The following STXBP5L variants were observed in gnomAD, a reference collection of about 807,000 sequenced individuals.
STXBP5L encodes the protein syntaxin binding protein 5L, also known as syntaxin-binding protein 5-like.
A neutral mutation model predicts 144.5 loss-of-function variants in STXBP5L; 65 were observed. The ratio of observed to expected loss-of-function variants is 0.45; its 90% CI spans 0.37 to 0.55. The LOEUF (loss-of-function observed/expected upper bound fraction) is 0.55. Among genes scored for constraint, STXBP5L ranks in the 20% least tolerant of loss-of-function variants. The pLI, the probability that STXBP5L is intolerant of heterozygous loss-of-function variation, is 0.00. For synonymous variants in STXBP5L, 505 were observed against 469.6 expected, an observed-to-expected ratio of 1.08 and a Z score of -0.97; for missense variants, 1,298 against 1,405.5, an observed-to-expected ratio of 0.92 and a Z score of 1.22.
At chr3:120,993,705 T>A (rs1943111578) in intron 3 of STXBP5L, among the ~76,000 whole-genome samples, 1 of 152,158 alleles carries the variant, frequency 6.6e-6, no homozygotes, top group Admixed American at 6.6e-5. Flanking sequence ...CTATATTGCC[T>A]TGTAATATAT....
At chr3:121,306,562 T>A (rs961012500) in intron 19 of STXBP5L, among the ~76,000 whole-genome samples, 1 of 152,078 alleles carries the variant, frequency 6.6e-6, no homozygotes, top group East Asian at 1.9e-4. Flanking sequence ...GCGGTCTACG[T>A]GAATAGAGAG....
chr3:121,153,866 G>A (rs1038206426), intron 8 of STXBP5L, among the ~76,000 whole-genome samples: 11 of 151,908 alleles, frequency 7.2e-5, no homozygotes, highest in African/African-American at 2.4e-4. Context: ...GTCTTAGGGA[G>A]CTAAGCTAGG....
chr3:121,358,623 T>G (rs115262420), intron 20 of STXBP5L, among the ~76,000 whole-genome samples: 107 of 152,290 alleles, frequency 7.0e-4, no homozygotes, highest in African/African-American at 2.5e-3. Context: ...CCTGGGAGAT[T>G]ACACTTCAAC....
intron 2 of STXBP5L, among the ~76,000 whole-genome samples, chr3:120,936,361 C>G (rs920764459): frequency 6.7e-6 from 1 of 148,908 alleles, no homozygotes; most frequent in Admixed American, 6.8e-5. Context: ...CAAACTGTGT[C>G]TTTTTTGGTC....
chr3:120,979,558 C>A (rs1436505498), intron 3 of STXBP5L, among the ~76,000 whole-genome samples: 1 of 152,050 alleles, frequency 6.6e-6, no homozygotes, highest in Admixed American at 6.6e-5. Context: ...CACCCACTGT[C>A]CTGCACCCAC....
At chr3:121,324,377 A>T (rs1414947150) in intron 20 of STXBP5L, 2 of 548,292 alleles carry the variant, frequency 3.6e-6, no homozygotes, top group Admixed American at 7.0e-5. Flanking sequence ...TAAGGATACA[A>T]AATGCAGATC....
At chr3:121,321,732 CT>C (rs989040409) in intron 20 of STXBP5L, among the ~76,000 whole-genome samples, 6 of 152,162 alleles carry the variant, frequency 3.9e-5, no homozygotes, top group Non-Finnish European at 8.8e-5. Flanking sequence ...GCTCTCACCC[CT>C]TTAAATCTGC....
chr3:121,154,556 C>T (rs780851846), intron 8 of STXBP5L, among the ~76,000 whole-genome samples: 8 of 151,658 alleles, frequency 5.3e-5, no homozygotes, highest in African/African-American at 1.4e-4. Context: ...CTCTCCTTTA[C>T]GTTATTGATA....
intron 3 of STXBP5L, 110 bp from the exon 4 acceptor site, chr3:121,041,590 A>G: frequency 2.6e-6 from 2 of 775,306 alleles, no homozygotes; most frequent in Non-Finnish European, 4.3e-6. Context: ...TATTTATAAA[A>G]ATAAGGGAAA....
At chr3:121,234,561 T>G (rs2049413361) in intron 12 of STXBP5L, among the ~76,000 whole-genome samples, 1 of 152,168 alleles carries the variant, frequency 6.6e-6, no homozygotes, top group Admixed American at 6.6e-5. Context: ...GTAGGCTCCA[T>G]GAAGGAGGGG....
chr3:121,051,251 G>A lies in STXBP5L; in HGVS notation c.470+5716G>A, dbSNP rs1324336651. Among the ~76,000 whole-genome samples the A allele has an allele frequency of 1.8e-4, 27 of 152,124 alleles. No homozygotes were observed. The East Asian group carries it at 4.6e-3, about 26-fold the overall frequency. ...CAAGCAGACCTAATAGACATCTACA[G>A]AACTCTCCACCCCAAATCAACAGAA... On this transcript the variant is annotated intron_variant, in intron 5 of 26. Coordinates refer to ENST00000471454, the MANE Select transcript of STXBP5L (RefSeq NM_001308330.2).
At chr3:121,311,551 GACAA>G (rs1477791196) in intron 19 of STXBP5L, among the ~76,000 whole-genome samples, 6 of 152,244 alleles carry the variant, frequency 3.9e-5, no homozygotes, top group East Asian at 1.9e-4. Context: ...AACAATAACA[GACAA>G]ACAGAGAGCC....
At chr3:121,333,381 A>T (rs1352002459) in intron 20 of STXBP5L, among the ~76,000 whole-genome samples, 1 of 152,134 alleles carries the variant, frequency 6.6e-6, no homozygotes, top group Non-Finnish European at 1.5e-5. Context: ...AGTCAGTGTT[A>T]AGAGGGAAAT....
chr3:121,128,006 C>A (rs1157115706), intron 7 of STXBP5L, among the ~76,000 whole-genome samples: 1 of 152,032 alleles, frequency 6.6e-6, no homozygotes, highest in African/African-American at 2.4e-5. Context: ...GATCTCAGCA[C>A]AGCCTAACAC....
intron 9 of STXBP5L, among the ~76,000 whole-genome samples, chr3:121,174,785 G>C (rs920275185): frequency 1.3e-5 from 2 of 152,112 alleles, no homozygotes; most frequent in African/African-American, 4.8e-5. Flanking sequence ...TCCAGGGAAA[G>C]CTTCCTTCAG....
intron 11 of STXBP5L, among the ~76,000 whole-genome samples, chr3:121,232,694 G>C (rs1279391371): frequency 5.3e-5 from 8 of 152,194 alleles, no homozygotes; most frequent in Admixed American, 1.3e-4. Flanking sequence ...ACAATGGAAA[G>C]CCAAACACTG....
chr3:121,199,157 C>G (rs936087215), intron 9 of STXBP5L, among the ~76,000 whole-genome samples: 1 of 151,768 alleles, frequency 6.6e-6, no homozygotes, highest in Admixed American at 6.6e-5. Flanking sequence ...CTCTGATTAC[C>G]TCGCAGTGGT....
At chr3:120,994,763 GT>G (rs796442678) in intron 3 of STXBP5L, among the ~76,000 whole-genome samples, 1 of 151,852 alleles carries the variant, frequency 6.6e-6, no homozygotes, top group African/African-American at 2.4e-5. Context: ...TGGTTTTCTG[GT>G]TTTTTTAATC....
chr3:121,344,416 G>T (rs2044866077), intron 20 of STXBP5L, among the ~76,000 whole-genome samples: 1 of 150,894 alleles, frequency 6.6e-6, no homozygotes. Context: ...AATTAAATTA[G>T]AATACTATTA....
Sources: gnomAD v4.1 joint callset for allele counts (sites outside exome capture counted in the v4.1 genomes callset) on GRCh38, gnomAD v4.1.1 for gene constraint, MANE v1.5 for transcripts, NCBI Gene and HGNC (gene_info 2026-07-23, HGNC 2026-07-21) for gene names.